PLEC: variants seen among roughly 807,000 people sequenced by gnomAD.
PLEC encodes hemidesmosomal protein 1.
PLEC carries 216 observed loss-of-function variants against 392.8 expected under a neutral mutation model. That is an observed-to-expected ratio of 0.55 (90% CI 0.49 to 0.62). PLEC has a LOEUF of 0.62. Among genes scored for constraint, PLEC ranks in the 20% least tolerant of loss-of-function variants. PLEC has a pLI of 0.00. For missense variants in PLEC, 6,863 were observed against 6,563.4 expected, an observed-to-expected ratio of 1.05 and a Z score of -1.58; for synonymous variants, 3,621 against 2,980.6, an observed-to-expected ratio of 1.21 and a Z score of -7.00.
chr8:143,931,231 G>A (rs1056025214), intron 19 of PLEC, among the ~76,000 whole-genome samples: 7 of 152,128 alleles, frequency 4.6e-5, no homozygotes, highest in African/African-American at 1.7e-4. Context: ...GGGGCGGCCC[G>A]GCTTGGACCG....
rs529048411 is a variant in PLEC at position 143,944,687 on chromosome 8, G to A, written c.523+5497C>T. The A allele has an allele frequency of 8.6e-5, 114 of 1,324,032 alleles. No individual in the cohort carries two copies. The Admixed American group carries it at 1.5e-3, about 17-fold the overall frequency. 82.0% of individuals were successfully genotyped at this position (1,324,032 alleles called of 1,614,324 possible). ...ATCGGGGACGGTGGCAGGAGCCCACGGGGCAGACGGAGCGGGCCAGGGGTG... is the reference window on the plus strand; with the variant it reads ...ATCGGGGACGGTGGCAGGAGCCCACAGGGCAGACGGAGCGGGCCAGGGGTG... On this transcript the variant is annotated intron_variant, in intron 1 of 31. Transcript: ENST00000322810.
In PLEC at chr8:143,918,784, C is replaced by T. The variant is rs555044240; in HGVS notation, c.11037G>A (p.Ala3679=). 4.4e-5 allele frequency: 71 copies of T among 1,613,136 alleles called. No individual in the cohort carries two copies. The highest frequency in any genetic ancestry group is 2.8e-4 in the African/African-American group (21 of 75,050). Residue 3679 remains alanine, a synonymous_variant, in exon 32 of 32, where the codon GCG becomes GCA. Coordinates refer to ENST00000345136, the MANE Select transcript of PLEC (RefSeq NM_201384.3). ...GTRSLREALE[A]ESAWCYLYGT... is the part of the protein sequence containing the mutation. ...CATAGAGGTAGCACCAGGCGGACTC[C>T]GCCTCGAGAGCCTCACGGAGGCTCC...
chr8:143,949,503 G>A (rs1052713613), intron 1 of PLEC, among the ~76,000 whole-genome samples: 8 of 152,168 alleles, frequency 5.3e-5, no homozygotes, highest in Non-Finnish European at 7.4e-5. Flanking sequence ...GACAGGACCC[G>A]TCCTGTCCTG....
intron 1 of PLEC, among the ~76,000 whole-genome samples, chr8:143,967,838 T>C (rs1442807397): frequency 7.3e-5 from 11 of 151,526 alleles, no homozygotes; most frequent in Non-Finnish European, 1.6e-4. Flanking sequence ...TAATTAATAA[T>C]CAAAGAATTC....
chr8:143,943,640 G>A, upstream of PLEC: 1 of 784,244 alleles, frequency 1.3e-6, no homozygotes, highest in South Asian at 1.5e-5. Flanking sequence ...ACACTGCAGG[G>A]TGGGGTGGAG....
In PLEC at chr8:143,922,393, C is replaced by T. The variant is rs1554689623; in HGVS notation, c.7428G>A (p.Met2476Ile). 2 of 1,601,706 alleles carry T rather than the reference C, an allele frequency of 1.2e-6. No homozygotes were observed. The highest frequency in any genetic ancestry group is 1.7e-6 in the Non-Finnish European group (2 of 1,179,932). ...AKLLQLKSEE[M>I]QTVQQEQLLQ... is the part of the protein sequence containing the mutation. Reference sequence around the variant, plus strand: ...GCAGCTGCTCCTGCTGCACCGTCTGCATCTGCAGAAGAAGAGGGTGTGATC... The same window carrying T: ...GCAGCTGCTCCTGCTGCACCGTCTGTATCTGCAGAAGAAGAGGGTGTGATC... Residue 2476 changes from methionine to isoleucine, a missense_variant and splice_region_variant, in exon 32 of 32, where the codon ATG becomes ATA. By Grantham distance (10) the Met-to-Ile change is conservative. Coordinates refer to ENST00000345136, the MANE Select transcript of PLEC (RefSeq NM_201384.3).
rs782625697 is a variant in PLEC at position 143,918,298 on chromosome 8, G to A, written c.11523C>T (p.Ser3841=). The A allele has an allele frequency of 2.1e-5, 33 of 1,591,558 alleles. No individual in the cohort carries two copies. The highest frequency in any genetic ancestry group is 1.7e-4 in the Middle Eastern group (1 of 5,972). The change falls in exon 32 of 32, where the codon AGC becomes AGT. Residue 3841 remains serine, a synonymous_variant. Transcript: ENST00000345136. ...ACGGGTCCACGTAGCTGCGCACCTC[G>A]CTGGGCTCTGACAGCTGGTCGTGCG... ...KDTHDQLSEP[S]EVRSYVDPST...
At chr8:143,972,978 G>A (rs2132985382) in intron 1 of PLEC, among the ~76,000 whole-genome samples, 1 of 152,342 alleles carries the variant, frequency 6.6e-6, no homozygotes, top group South Asian at 2.1e-4. Flanking sequence ...TTAGGGAGGT[G>A]AGGAGAGGCG....
At chr8:143,948,079 G>A (rs1472467118) in intron 1 of PLEC, among the ~76,000 whole-genome samples, 3 of 152,244 alleles carry the variant, frequency 2.0e-5, no homozygotes, top group African/African-American at 7.2e-5. Flanking sequence ...GGCTAAACAA[G>A]CAGGTGGACG....
chr8:143,932,270 C>G, intron 16 of PLEC, 36 bp from the exon 17 acceptor site: 1 of 1,608,880 alleles, frequency 6.2e-7, no homozygotes, highest in Non-Finnish European at 8.5e-7. Flanking sequence ...GGACGGCCGG[C>G]CACACCCGGC....
chr8:143,948,121 G>A (rs1831710912), intron 1 of PLEC, among the ~76,000 whole-genome samples: 1 of 152,220 alleles, frequency 6.6e-6, no homozygotes, highest in Non-Finnish European at 1.5e-5. Flanking sequence ...GTTGCTGGCA[G>A]GCCCCCATGG....
chr8:143,933,967 C>T (rs782442216), intron 12 of PLEC, 31 bp downstream of exon 12: 2 of 1,563,336 alleles, frequency 1.3e-6, no homozygotes, highest in South Asian at 1.1e-5. Context: ...CGGCCTCCCT[C>T]CCGCCCACTG....
In PLEC at chr8:143,932,151, G is replaced by A. The variant is rs931409740; in HGVS notation, c.2061C>T (p.His687=). The change falls in exon 17 of 32, where the codon CAC becomes CAT. Residue 687 remains histidine, a synonymous_variant. Transcript: ENST00000345136. ...NAGDRLLRED[H]PARPTVESFQ... ...CCACCTCCACCGTGGGCCGGGCCGG[G>A]TGGTCCTCCCGCAGCAGCCGGTCCC... The A allele has an allele frequency of 6.2e-7, 1 of 1,611,660 alleles. No individual in the cohort carries two copies. The highest frequency in any genetic ancestry group is 8.5e-7 in the Non-Finnish European group (1 of 1,179,740).
In PLEC at chr8:143,920,957, A is replaced by G; in HGVS notation, c.8864T>C (p.Ile2955Thr). The change falls in exon 32 of 32, where the codon ATC becomes ACC. Residue 2955 changes from isoleucine to threonine, a missense_variant. Coordinates refer to ENST00000345136, the MANE Select transcript of PLEC (RefSeq NM_201384.3). ...CACCACCGTGATGATGATCTTGATG[A>G]TCTTCTCCACTGTGATCCGGCCCGT... ...FRTGRITVEK[I>T]IKIIITVVEE... 1 of 1,612,948 alleles carries G rather than the reference A, an allele frequency of 6.2e-7. No homozygotes were observed.
chr8:143,917,748 G>A lies in PLEC; in HGVS notation c.12073C>T (p.Leu4025Phe), dbSNP rs1821044215. ...KDPYSGKLIS[L>F]FQAMKKGLIL... ...AGGCCCTTCTTCATGGCCTGGAAGAGGGAGATGAGCTTCCCAGAGTAGGGG... is the reference window on the plus strand; with the variant it reads ...AGGCCCTTCTTCATGGCCTGGAAGAAGGAGATGAGCTTCCCAGAGTAGGGG... The change falls in exon 32 of 32, where the codon CTC becomes TTC. Residue 4025 changes from leucine to phenylalanine, a missense_variant. Transcript: ENST00000345136. 6.2e-7 allele frequency: 1 copy of A among 1,613,534 alleles called. No individual in the cohort carries two copies. Among genetic ancestry groups the A allele is most frequent in the Non-Finnish European group, 8.5e-7 (1 of 1,179,982 alleles).
upstream of PLEC, among the ~76,000 whole-genome samples, chr8:143,974,262 A>G (rs944064735): frequency 3.3e-5 from 5 of 152,208 alleles, no homozygotes; most frequent in Admixed American, 1.3e-4. The surrounding 1 kb of genome is among the most constrained non-coding windows in gnomAD (Gnocchi z 5.9). Context: ...GAAGGCAACC[A>G]CGGTCAGCCG....
chr8:143,927,684 T>C lies in PLEC; in HGVS notation c.3482A>G (p.Glu1161Gly). 6.3e-7 allele frequency: 1 copy of C among 1,580,426 alleles called. No homozygotes were observed. Among genetic ancestry groups the C allele is most frequent in the Non-Finnish European group, 8.6e-7 (1 of 1,162,676 alleles). The change falls in exon 27 of 32, where the codon GAG becomes GGG. Residue 1161 changes from glutamate (E) to glycine (G), a missense_variant. Physicochemically the swap from Glu to Gly is moderately conservative, Grantham distance 98. Transcript: ENST00000345136. ...DELRGAQEVG[E>G]RLQQRHGERD... is the part of the protein sequence containing the mutation. ...CTCCCCGTGCCGCTGCTGCAGTCGC[T>C]CCCCCACCTCCTGTGCCCCCCGCAG...
chr8:143,927,560 G>A lies in PLEC; in HGVS notation c.3606C>T (p.Leu1202=), dbSNP rs781841776. The part of the protein sequence containing the change: ...LAQTDVRQRE[L]EQLGRQLRYY... ...AACGCAGCTGGCGGCCCAGTTGCTC[G>A]AGCTCGCGCTGCCGCACGTCGGTCT... Residue 1202 remains leucine, a synonymous_variant, in exon 27 of 32, where the codon CTC becomes CTT. Coordinates refer to ENST00000345136, the MANE Select transcript of PLEC (RefSeq NM_201384.3). 3.8e-5 allele frequency: 60 copies of A among 1,593,400 alleles called. No homozygotes were observed. The highest frequency in any genetic ancestry group is 1.7e-4 in the Middle Eastern group (1 of 6,014).
In PLEC at chr8:143,915,612, G is replaced by C. The variant is rs1184710336; in HGVS notation, c.*565C>G. On this transcript the variant is annotated 3_prime_UTR_variant, in exon 32 of 32. Coordinates refer to ENST00000345136, the MANE Select transcript of PLEC (RefSeq NM_201384.3). ...ACAGAGGCTGGAGGCTGACGCCGGA[G>C]GCCAGGGGTCTCAGGAGTGAGTGTG... 1 of 152,650 alleles carries C rather than the reference G, an allele frequency of 6.6e-6. No individual in the cohort carries two copies. Among genetic ancestry groups the C allele is most frequent in the Non-Finnish European group, 1.5e-5 (1 of 68,292 alleles). 9.5% of individuals were successfully genotyped at this position (152,650 alleles called of 1,614,324 possible). A position where few individuals can be genotyped will look rare whatever the true frequency, so the allele number is the denominator to read the frequency against.
Sources: gnomAD v4.1 joint callset for allele counts (sites outside exome capture counted in the v4.1 genomes callset) on GRCh38, gnomAD v4.1.1 for gene constraint, Gnocchi (gnomAD v3.1) non-coding constraint, MANE v1.5 for transcripts, NCBI Gene and HGNC (gene_info 2026-07-23, HGNC 2026-07-21) for gene names.